The following XIRP2 variants were observed in gnomAD, a reference collection of about 807,000 sequenced individuals.
The protein encoded by XIRP2 is xin actin-binding repeat-containing protein 2.
XIRP2 carries 236 observed loss-of-function variants against 277.0 expected under a neutral mutation model. The ratio of observed to expected loss-of-function variants is 0.85; its 90% CI spans 0.77 to 0.95. The LOEUF (loss-of-function observed/expected upper bound fraction) is 0.95, where lower values mean the gene tolerates loss of function less well. Ranked by LOEUF, XIRP2 falls within the 40% of genes least tolerant of loss-of-function variation. The pLI is 0.00. For missense variants in XIRP2, 4,640 were observed against 4,157.5 expected (o/e 1.12, Z -3.19); for synonymous variants, 1,490 against 1,416.5 (o/e 1.05, Z -1.17).
chr2:167,035,646 T>C (rs1688489550), intron 2 of XIRP2, among the ~76,000 whole-genome samples: 1 of 152,064 alleles, frequency 6.6e-6, no homozygotes, highest in African/African-American at 2.4e-5. Flanking sequence ...AGCCTGACAA[T>C]GTGATAGAAA....
intron 2 of XIRP2, among the ~76,000 whole-genome samples, chr2:167,024,971 C>G (rs528290241): frequency 1.3e-5 from 2 of 152,022 alleles, no homozygotes; most frequent in African/African-American, 4.8e-5. Context: ...GGCCTCATAA[C>G]ATGAGTTAGG....
chr2:166,932,687 G>A (rs139047507), intron 2 of XIRP2, among the ~76,000 whole-genome samples: 1 of 151,552 alleles, frequency 6.6e-6, no homozygotes, highest in Admixed American at 6.6e-5. Context: ...TTTAGTTCTG[G>A]TAGTTCAATT....
At chr2:167,188,824 C>T (rs893411702) in intron 3 of XIRP2, among the ~76,000 whole-genome samples, 1 of 152,192 alleles carries the variant, frequency 6.6e-6, no homozygotes, top group Non-Finnish European at 1.5e-5. Flanking sequence ...AATGTTTTTG[C>T]TTTCATCTGG....
chr2:166,945,530 A>G (rs1685835716), intron 2 of XIRP2, among the ~76,000 whole-genome samples: 1 of 152,092 alleles, frequency 6.6e-6, no homozygotes, highest in African/African-American at 2.4e-5. Context: ...TATCGGAAAG[A>G]CAGCGGTAAC....
chr2:166,949,481 C>G (rs577178153), intron 2 of XIRP2, among the ~76,000 whole-genome samples: 1 of 152,176 alleles, frequency 6.6e-6, no homozygotes, highest in African/African-American at 2.4e-5. Flanking sequence ...GTTGCAGCTA[C>G]AAGGTGGGGC....
intron 2 of XIRP2, among the ~76,000 whole-genome samples, chr2:167,083,404 T>C (rs1250691521): frequency 1.3e-5 from 2 of 152,238 alleles, no homozygotes; most frequent in Non-Finnish European, 2.9e-5. Flanking sequence ...TTCTTTTTGC[T>C]TAGGATTGCC....
chr2:167,022,524 G>A (rs926879667), intron 2 of XIRP2, among the ~76,000 whole-genome samples: 2 of 152,026 alleles, frequency 1.3e-5, no homozygotes, highest in African/African-American at 4.8e-5. Context: ...ATGTATACAT[G>A]TGCCATGCTG....
intron 3 of XIRP2, among the ~76,000 whole-genome samples, chr2:167,168,941 CAT>C: frequency 6.6e-6 from 1 of 152,274 alleles, no homozygotes; most frequent in South Asian, 2.1e-4. Context: ...GCATATTAAT[CAT>C]AGTTATTTTA....
At chr2:166,980,618 A>C (rs925739258) in intron 2 of XIRP2, among the ~76,000 whole-genome samples, 1 of 152,068 alleles carries the variant, frequency 6.6e-6, no homozygotes, top group East Asian at 1.9e-4. Context: ...GGGTTTCACC[A>C]TGTTGGCCAG....
chr2:166,966,777 T>C (rs186835295), intron 2 of XIRP2, among the ~76,000 whole-genome samples: 1 of 152,124 alleles, frequency 6.6e-6, no homozygotes, highest in Non-Finnish European at 1.5e-5. Context: ...GATGGCAGGG[T>C]AAATTACAGA....
At chr2:167,218,429 T>G in intron 5 of XIRP2, 129 bp downstream of exon 5, 1 of 978,718 alleles carries the variant, frequency 1.0e-6, no homozygotes, top group Non-Finnish European at 1.3e-6. Context: ...ACTGTAGCTT[T>G]GAAATGTTCT....
intron 1 of XIRP2, among the ~76,000 whole-genome samples, chr2:166,900,743 A>T (rs962102842): frequency 1.1e-4 from 16 of 152,048 alleles, no homozygotes; most frequent in African/African-American, 3.4e-4. Context: ...CTCTCCTTGT[A>T]GCCTTCACTG....
At chr2:167,175,966 C>T (rs1296539457) in intron 3 of XIRP2, among the ~76,000 whole-genome samples, 5 of 152,282 alleles carry the variant, frequency 3.3e-5, no homozygotes, top group African/African-American at 4.8e-5. Context: ...ACGTCCCTTC[C>T]CTTACCAAGT....
intron 2 of XIRP2, among the ~76,000 whole-genome samples, chr2:167,023,133 T>C (rs1419513829): frequency 1.3e-5 from 2 of 152,338 alleles, no homozygotes; most frequent in African/African-American, 2.4e-5. Flanking sequence ...CCTGACTTTT[T>C]AATGATTGCC....
chr2:166,913,830 G>T (rs1413373546), intron 2 of XIRP2, among the ~76,000 whole-genome samples: 1 of 152,172 alleles, frequency 6.6e-6, no homozygotes, highest in Non-Finnish European at 1.5e-5. Flanking sequence ...AATGTATCAT[G>T]AATTAACCAT....
intron 2 of XIRP2, among the ~76,000 whole-genome samples, chr2:167,024,006 G>C (rs1159086390): frequency 6.6e-6 from 1 of 152,112 alleles, no homozygotes; most frequent in Non-Finnish European, 1.5e-5. Flanking sequence ...GTCATTGGTA[G>C]CTTGATGGGG....
chr2:167,015,281 A>T (rs1029713978), intron 2 of XIRP2, among the ~76,000 whole-genome samples: 1 of 151,908 alleles, frequency 6.6e-6, no homozygotes, highest in African/African-American at 2.4e-5. Context: ...TAGTCAACAT[A>T]AACCAGTAAA....
At chr2:166,980,602 G>C (rs1686839170) in intron 2 of XIRP2, among the ~76,000 whole-genome samples, 1 of 152,050 alleles carries the variant, frequency 6.6e-6, no homozygotes, top group African/African-American at 2.4e-5. Context: ...ACTTTTAGTA[G>C]AGATGGGGTT....
intron 3 of XIRP2, among the ~76,000 whole-genome samples, chr2:167,184,383 T>A (rs1240764739): frequency 6.6e-6 from 1 of 152,196 alleles, no homozygotes; most frequent in Non-Finnish European, 1.5e-5. Flanking sequence ...TCTTGGGCTT[T>A]GTTTGGCCTT....
Sources: gnomAD v4.1 joint callset for allele counts (sites outside exome capture counted in the v4.1 genomes callset) on GRCh38, gnomAD v4.1.1 for gene constraint, MANE v1.5 for transcripts, NCBI Gene and HGNC (gene_info 2026-07-23, HGNC 2026-07-21) for gene names.